TTLL1: variants seen among roughly 807,000 people sequenced by gnomAD.
The protein encoded by TTLL1 is TTL family tubulin polyglutamylase complex subunit L1.
In TTLL1, 33 loss-of-function variants were observed where a neutral mutation model predicts 47.8. The ratio of observed to expected loss-of-function variants is 0.69; its 90% CI spans 0.52 to 0.92. TTLL1 has a LOEUF of 0.92. TTLL1 is among the 40% of genes least tolerant of loss of function. TTLL1 has a pLI of 0.00. For missense variants in TTLL1, 488 were observed against 547.5 expected, an observed-to-expected ratio of 0.89 and a Z score of 1.08; for synonymous variants, 225 against 214.1, an observed-to-expected ratio of 1.05 and a Z score of -0.45.
intron 3 of TTLL1, among the ~76,000 whole-genome samples, chr22:43,072,088 G>A (rs1031737114): frequency 7.2e-5 from 11 of 152,094 alleles, no homozygotes; most frequent in Non-Finnish European, 1.3e-4. Context: ...ACGAGGAAAG[G>A]ACAAAGACCT....
intron 7 of TTLL1, among the ~76,000 whole-genome samples, chr22:43,061,567 T>C (rs946614550): frequency 6.6e-6 from 1 of 152,190 alleles, no homozygotes; most frequent in Non-Finnish European, 1.5e-5. Context: ...AAGGCTTCCA[T>C]CCAAAGAAGA....
At chr22:43,071,085 T>C (rs1928089724) in intron 3 of TTLL1, among the ~76,000 whole-genome samples, 1 of 151,934 alleles carries the variant, frequency 6.6e-6, no homozygotes, top group Admixed American at 6.6e-5. Context: ...GCTAAATTTT[T>C]ATAATTTTTT....
chr22:43,047,540 C>T (rs1926238684), intron 9 of TTLL1, among the ~76,000 whole-genome samples: 1 of 152,052 alleles, frequency 6.6e-6, no homozygotes, highest in Non-Finnish European at 1.5e-5. Context: ...GTGATCTCAG[C>T]TCACTGCAGC....
At chr22:43,078,799 A>G (rs1009226871) in intron 2 of TTLL1, among the ~76,000 whole-genome samples, 1 of 152,026 alleles carries the variant, frequency 6.6e-6, no homozygotes, top group Non-Finnish European at 1.5e-5. Flanking sequence ...CACCAAGATG[A>G]CAATAAAAGC....
chr22:43,056,126 CCGA>C lies in TTLL1; in HGVS notation c.891+3255_891+3257del, dbSNP rs1293659756. Among the ~76,000 whole-genome samples, 4 of 151,550 alleles carry C rather than the reference CCGA, an allele frequency of 2.6e-5. No individual in the cohort carries two copies. In the East Asian group the frequency reaches 5.9e-4, roughly 22 times the overall value. The stretch of plus-strand genomic sequence containing the variant: ...CCTGTAATCCCAGCACTTTGGGAGT[CCGA>C]GGCAGGTGGATCACGAGGTCAAGAG... On this transcript the variant is annotated intron_variant, in intron 8 of 10. Transcript: ENST00000266254.
chr22:43,079,599 C>G (rs1928749640), intron 2 of TTLL1, among the ~76,000 whole-genome samples: 1 of 152,192 alleles, frequency 6.6e-6, no homozygotes, highest in Non-Finnish European at 1.5e-5. Flanking sequence ...TTAAAGCAAG[C>G]ATCTTAGTGG....
In TTLL1 at chr22:43,065,802, A is replaced by C. The variant is rs534644617; in HGVS notation, c.504-1478T>G. 3.3e-5 allele frequency among the ~76,000 whole-genome samples: 5 copies of C among 151,998 alleles called. No individual in the cohort carries two copies. The East Asian group carries it at 5.8e-4, about 18-fold the overall frequency. On this transcript the variant is annotated intron_variant, in intron 5 of 10. Coordinates refer to ENST00000266254, the MANE Select transcript of TTLL1 (RefSeq NM_012263.5). ...ATGCTGATAAGGGGGGAGGCCGTGC[A>C]TGTGTGGGGAAGGGGTATAGGAAAA... is the stretch of plus-strand genomic sequence containing the variant.
chr22:43,061,928 T>C (rs1267779726), intron 7 of TTLL1, among the ~76,000 whole-genome samples: 1 of 152,230 alleles, frequency 6.6e-6, no homozygotes, highest in Non-Finnish European at 1.5e-5. Context: ...GGGCTTCTTT[T>C]GTTCCATGAT....
chr22:43,063,995 A>G (rs1927563086), intron 6 of TTLL1, 74 bp from the exon 7 acceptor site: 4 of 1,490,884 alleles, frequency 2.7e-6, no homozygotes, highest in Non-Finnish European at 3.7e-6. Context: ...TTCTCTAAAA[A>G]GAGCTGCTTT....
intron 2 of TTLL1, among the ~76,000 whole-genome samples, chr22:43,075,981 G>A (rs896773428): frequency 6.6e-6 from 1 of 152,220 alleles, no homozygotes; most frequent in Non-Finnish European, 1.5e-5. Context: ...AGCCACAAAG[G>A]AGGGGCACAT....
intron 3 of TTLL1, among the ~76,000 whole-genome samples, chr22:43,073,708 AC>A (rs1197720382): frequency 1.3e-5 from 2 of 149,294 alleles, no homozygotes; most frequent in Non-Finnish European, 3.0e-5. Context: ...TACTTAACCC[AC>A]CCCCCCATAC....
At chr22:43,045,289 G>T (rs992831079) in intron 10 of TTLL1, among the ~76,000 whole-genome samples, 2 of 152,094 alleles carry the variant, frequency 1.3e-5, no homozygotes, top group East Asian at 3.9e-4. Flanking sequence ...CCACGGAACC[G>T]CTCTAAGCCT....
At chr22:43,040,510 A>G (rs557680284) in intron 10 of TTLL1, among the ~76,000 whole-genome samples, 20 of 152,176 alleles carry the variant, frequency 1.3e-4, no homozygotes, top group African/African-American at 4.8e-4. Context: ...CAGTGGCGCA[A>G]TCTTGGCTCA....
At chr22:43,083,567 A>G (rs1929037541) in intron 1 of TTLL1, among the ~76,000 whole-genome samples, 2 of 152,094 alleles carry the variant, frequency 1.3e-5, no homozygotes, top group Admixed American at 1.3e-4. Context: ...CGTCTCTACT[A>G]AAAATACAAA....
At chr22:43,073,825 A>ATTTTTT (rs201227645) in intron 3 of TTLL1, among the ~76,000 whole-genome samples, 1 of 143,308 alleles carries the variant, frequency 7.0e-6, no homozygotes, top group Admixed American at 7.1e-5. Context: ...TTATTTATTT[A>ATTTTTT]TTTATTTATT....
chr22:43,067,353 T>C (rs1228584977), intron 5 of TTLL1, among the ~76,000 whole-genome samples: 4 of 152,178 alleles, frequency 2.6e-5, no homozygotes, highest in Non-Finnish European at 5.9e-5. Context: ...ATGTAAGACA[T>C]GGAGAGTCTG....
intron 3 of TTLL1, among the ~76,000 whole-genome samples, chr22:43,073,900 CA>C (rs1928303619): frequency 6.6e-6 from 1 of 151,782 alleles, no homozygotes; most frequent in Non-Finnish European, 1.5e-5. Context: ...CAGCTCACTG[CA>C]ACCTCCACCT....
chr22:43,079,785 T>C (rs1226217286), intron 2 of TTLL1, 117 bp downstream of exon 2: 2 of 152,262 alleles, frequency 1.3e-5, no homozygotes, highest in Non-Finnish European at 2.9e-5. Context: ...CACATTTCAC[T>C]AAGCAACTGG....
At chr22:43,058,980 A>C (rs1210527274) in intron 8 of TTLL1, among the ~76,000 whole-genome samples, 2 of 139,754 alleles carry the variant, frequency 1.4e-5, no homozygotes, top group African/African-American at 5.4e-5. Flanking sequence ...GGCGTTAACC[A>C]ACGCGCCCAG....
Sources: gnomAD v4.1 joint callset for allele counts (sites outside exome capture counted in the v4.1 genomes callset) on GRCh38, gnomAD v4.1.1 for gene constraint, MANE v1.5 for transcripts, NCBI Gene and HGNC (gene_info 2026-07-23, HGNC 2026-07-21) for gene names.